The following CTNNA2 variants were observed in gnomAD, a reference collection of about 807,000 sequenced individuals.
CTNNA2 encodes catenin alpha-2.
In CTNNA2, 42 loss-of-function variants were observed where a neutral mutation model predicts 101.0. The observed-to-expected ratio is 0.42, with a 90% CI of 0.32 to 0.54. The LOEUF (loss-of-function observed/expected upper bound fraction) is 0.54, where lower values mean the gene tolerates loss of function less well. Among genes scored for constraint, CTNNA2 ranks in the 20% least tolerant of loss-of-function variants. The pLI is 0.14. For missense variants in CTNNA2, 871 were observed against 1,223.1 expected (o/e 0.71, Z 4.29); for synonymous variants, 450 against 456.4 (o/e 0.99, Z 0.18).
chr2:79,961,831 A>C (rs1689658606), intron 7 of CTNNA2, among the ~76,000 whole-genome samples: 1 of 151,874 alleles, frequency 6.6e-6, no homozygotes, highest in Non-Finnish European at 1.5e-5. Flanking sequence ...CAAAAAAAAA[A>C]AAAAAAAAAA....
At chr2:79,236,006 T>C (rs1674552903) in intron 2 of CTNNA2, among the ~76,000 whole-genome samples, 1 of 152,218 alleles carries the variant, frequency 6.6e-6, no homozygotes, top group South Asian at 2.1e-4. Flanking sequence ...TGCCTGGCTC[T>C]GAGGAGCAGA....
rs112017271 is a variant in CTNNA2 at position 79,826,615 on chromosome 2, T to C, written c.299-31398T>C. ...GAGCTAACAGTGTTACAAGTCGTAA[T>C]GCCAAAGAACAGAAAAATGTATGTA... On this transcript the variant is annotated intron_variant, in intron 3 of 18. Coordinates refer to ENST00000402739, the MANE Select transcript of CTNNA2 (RefSeq NM_001282597.3). Among the ~76,000 whole-genome samples the C allele has an allele frequency of 1.4e-3, 207 of 152,372 alleles. 1 individual carries two copies. Among genetic ancestry groups the C allele is most frequent in the African/African-American group, 4.5e-3 (188 of 41,588 alleles).
At chr2:79,940,384 A>G (rs1399616075) in intron 7 of CTNNA2, among the ~76,000 whole-genome samples, 1 of 152,222 alleles carries the variant, frequency 6.6e-6, no homozygotes, top group Non-Finnish European at 1.5e-5. Flanking sequence ...TGCTTATTAT[A>G]CATGTGAAAT....
intron 7 of CTNNA2, among the ~76,000 whole-genome samples, chr2:80,100,324 G>A (rs189242036): frequency 1.4e-4 from 21 of 152,226 alleles, no homozygotes; most frequent in Admixed American, 3.9e-4. Flanking sequence ...CAAGCAGATC[G>A]TTCTTCAAAT....
intron 3 of CTNNA2, among the ~76,000 whole-genome samples, chr2:79,758,963 G>C (rs1197397360): frequency 1.3e-5 from 2 of 152,164 alleles, no homozygotes; most frequent in African/African-American, 2.4e-5. Flanking sequence ...CAGATGACCA[G>C]CTCTTTGAAG....
At chr2:80,263,107 G>A (rs1672743104) in intron 7 of CTNNA2, among the ~76,000 whole-genome samples, 1 of 152,056 alleles carries the variant, frequency 6.6e-6, no homozygotes, top group Non-Finnish European at 1.5e-5. Flanking sequence ...GTGTGGAGTG[G>A]GGAGAGTTTG....
intron 7 of CTNNA2, among the ~76,000 whole-genome samples, chr2:80,218,548 G>A (rs1708401004): frequency 6.6e-6 from 1 of 152,216 alleles, no homozygotes; most frequent in African/African-American, 2.4e-5. Context: ...GAGGAGATTG[G>A]AATTCAGCTC....
chr2:79,473,671 GAGAAAA>G (rs1167357075), intron 4 of CTNNA2, among the ~76,000 whole-genome samples: 1 of 151,950 alleles, frequency 6.6e-6, no homozygotes, highest in East Asian at 1.9e-4. Context: ...TTCAAAAATG[GAGAAAA>G]AGAAAAAGTC....
intron 7 of CTNNA2, among the ~76,000 whole-genome samples, chr2:79,985,896 A>G (rs567851554): frequency 6.6e-6 from 1 of 152,318 alleles, no homozygotes; most frequent in South Asian, 2.1e-4. Context: ...GGTCTCCATC[A>G]TAAAGCAAAT....
At chr2:80,520,282 C>T (rs541740062) in intron 9 of CTNNA2, among the ~76,000 whole-genome samples, 59 of 151,902 alleles carry the variant, frequency 3.9e-4, no homozygotes, top group Middle Eastern at 3.4e-3. Context: ...TTGGAGAAAG[C>T]TGTTGGTGGC....
chr2:80,382,584 G>A (rs1298080923), intron 7 of CTNNA2, among the ~76,000 whole-genome samples: 1 of 152,218 alleles, frequency 6.6e-6, no homozygotes, highest in Admixed American at 6.5e-5. Flanking sequence ...TGAACTGGGA[G>A]GGCAGGGAAG....
rs1442301463 is a variant in CTNNA2 at position 79,773,727 on chromosome 2, T to C, written c.298+29145T>C. Among the ~76,000 whole-genome samples the C allele has an allele frequency of 2.6e-5, 4 of 152,112 alleles. No homozygotes were observed. The East Asian group carries it at 7.7e-4, about 29-fold the overall frequency. On this transcript the variant is annotated intron_variant, in intron 3 of 18. Transcript: ENST00000402739. ...TTAAGGCACCCACTGAGAGGCCTCA[T>C]GCAAAGGTGGAAACAAACATAGTGA... is the stretch of plus-strand genomic sequence containing the variant.
chr2:79,269,328 G>T (rs1675031198), intron 2 of CTNNA2, among the ~76,000 whole-genome samples: 1 of 152,254 alleles, frequency 6.6e-6, no homozygotes, highest in African/African-American at 2.4e-5. Context: ...TTGTGCCGAA[G>T]TCAGCAAGGA....
chr2:80,563,883 A>G (rs1162062052), intron 12 of CTNNA2, among the ~76,000 whole-genome samples: 1 of 152,066 alleles, frequency 6.6e-6, no homozygotes, highest in Non-Finnish European at 1.5e-5. Context: ...TTACGTTTAT[A>G]TCTGTCCTAG....
chr2:79,704,192 G>A (rs536783465), intron 2 of CTNNA2, among the ~76,000 whole-genome samples: 7 of 152,282 alleles, frequency 4.6e-5, no homozygotes, highest in Non-Finnish European at 7.4e-5. Flanking sequence ...ATTTGGGGAT[G>A]TGAAACCTTC....
intron 9 of CTNNA2, among the ~76,000 whole-genome samples, chr2:80,439,113 A>T (rs2149438786): frequency 6.6e-6 from 1 of 152,324 alleles, no homozygotes; most frequent in East Asian, 1.9e-4. Flanking sequence ...TGAATATATC[A>T]CGTAATTATG....
At chr2:79,668,794 A>G (rs1263884805) in intron 2 of CTNNA2, among the ~76,000 whole-genome samples, 1 of 152,236 alleles carries the variant, frequency 6.6e-6, no homozygotes, top group Non-Finnish European at 1.5e-5. Context: ...TATTTTTAGA[A>G]CATAAGACAT....
intron 7 of CTNNA2, among the ~76,000 whole-genome samples, chr2:80,354,008 T>C (rs1673549966): frequency 6.6e-6 from 1 of 151,720 alleles, no homozygotes; most frequent in Non-Finnish European, 1.5e-5. Flanking sequence ...AGGAGGGAGG[T>C]GGTTGCCAGG....
At chr2:79,841,746 C>A (rs1679834604) in intron 3 of CTNNA2, among the ~76,000 whole-genome samples, 1 of 152,136 alleles carries the variant, frequency 6.6e-6, no homozygotes, top group African/African-American at 2.4e-5. Context: ...TTAACTGGGA[C>A]ATAACAATGG....
Sources: allele counts gnomAD v4.1 joint callset (sites outside exome capture counted in the v4.1 genomes callset), GRCh38; gene constraint gnomAD v4.1.1; transcripts MANE v1.5; gene names NCBI Gene and HGNC (gene_info 2026-07-23, HGNC 2026-07-21).